The following L3MBTL1 variants were observed in gnomAD, a reference collection of about 807,000 sequenced individuals.
L3MBTL1 encodes L3MBTL histone methyl-lysine binding protein 1.
Under a neutral mutation model 105.3 loss-of-function variants are expected in L3MBTL1, and 75 were observed. The observed-to-expected ratio is 0.71, with a 90% CI of 0.59 to 0.86. L3MBTL1 has a LOEUF of 0.86. Ranked by LOEUF, L3MBTL1 falls within the 40% of genes least tolerant of loss-of-function variation. L3MBTL1 has a pLI of 0.00. For missense variants in L3MBTL1, 1,069 were observed against 1,126.4 expected (o/e 0.95, Z 0.73); for synonymous variants, 452 against 436.2 (o/e 1.04, Z -0.45).
chr20:43,513,432 A>G (rs1238696532), intron 1 of L3MBTL1, 44 bp from the exon 2 acceptor site: 3 of 1,506,376 alleles, frequency 2.0e-6, no homozygotes, highest in Non-Finnish European at 2.7e-6. Flanking sequence ...TGCTGTAACA[A>G]AGGTCCCCAC....
Position 43,541,072 on chromosome 20 carries a change from T to C in L3MBTL1, c.2533T>C (p.Ser845Pro). The change falls in exon 22 of 22, where the codon TCT becomes CCT. Residue 845 changes from serine (S) to proline (P), a missense_variant. Coordinates refer to ENST00000418998, the MANE Select transcript of L3MBTL1 (RefSeq NM_001377303.1). ...LETGVHSLLCSLPTHLLAKLS... is the reference protein window; with the variant it reads ...LETGVHSLLCPLPTHLLAKLS... Reference sequence around the variant, plus strand: ...GACAGGAGTCCATTCACTCCTCTGCTCTCTACCCACTCATTTGCTTGCCAA... The same window carrying C: ...GACAGGAGTCCATTCACTCCTCTGCCCTCTACCCACTCATTTGCTTGCCAA... 2 of 1,614,184 alleles carry C rather than the reference T, an allele frequency of 1.2e-6. No individual in the cohort carries two copies. Among genetic ancestry groups the C allele is most frequent in the South Asian group, 2.2e-5 (2 of 91,084 alleles).
chr20:43,522,457 GTTTTTTTTTTT>G (rs1176856356), intron 7 of L3MBTL1, among the ~76,000 whole-genome samples: 26 of 95,894 alleles, frequency 2.7e-4, no homozygotes, highest in African/African-American at 1.1e-3. Flanking sequence ...TCCCTGCTAA[GTTTTTTTTTTT>G]TTTTTTTTTT....
chr20:43,513,845 G>A lies in L3MBTL1; in HGVS notation c.144G>A (p.Ser48=), dbSNP rs924703832. ...TTGTATATCTGTTTACAGCCAGTTC[G>A]GCCACCCTCGGCCTGCCCAGCAGTG... is the stretch of plus-strand genomic sequence containing the variant. ...PATAFIIPAS[S]ATLGLPSSAL... Residue 48 remains serine, a synonymous_variant, in exon 3 of 22, where the codon TCG becomes TCA. Coordinates refer to ENST00000418998, the MANE Select transcript of L3MBTL1 (RefSeq NM_001377303.1). 1.9e-6 allele frequency: 3 copies of A among 1,550,486 alleles called. No homozygotes were observed. The African/African-American group carries it at 4.1e-5, about 21-fold the overall frequency.
intron 7 of L3MBTL1, among the ~76,000 whole-genome samples, chr20:43,526,431 C>T (rs560642332): frequency 6.6e-6 from 1 of 152,108 alleles, no homozygotes; most frequent in Non-Finnish European, 1.5e-5. Flanking sequence ...TGGAGGAAGA[C>T]TGAGTGGGAG....
intron 18 of L3MBTL1, among the ~76,000 whole-genome samples, chr20:43,547,330 T>G (rs1413106317): frequency 6.6e-6 from 1 of 152,082 alleles, no homozygotes; most frequent in Non-Finnish European, 1.5e-5. Flanking sequence ...GGTCTCGATC[T>G]CCTGACCTCA....
intron 7 of L3MBTL1, among the ~76,000 whole-genome samples, chr20:43,522,456 A>ATTTTTTTTTTT (rs778355165): frequency 1.4e-3 from 122 of 89,934 alleles, no homozygotes; most frequent in East Asian, 3.8e-3. Flanking sequence ...TTCCCTGCTA[A>ATTTTTTTTTTT]GTTTTTTTTT....
chr20:43,512,864 C>A (rs150524519), intron 1 of L3MBTL1, among the ~76,000 whole-genome samples: 1 of 152,242 alleles, frequency 6.6e-6, no homozygotes, highest in African/African-American at 2.4e-5. Context: ...ACTGCGTCTT[C>A]GTACACTATG....
At chr20:43,531,191 A>G (rs1396402718) in intron 11 of L3MBTL1, 4 of 330,996 alleles carry the variant, frequency 1.2e-5, no homozygotes, top group African/African-American at 2.1e-5. Flanking sequence ...CATTGCTCAT[A>G]TATTCTTGCT....
chr20:43,548,287 C>T, exon 19 of L3MBTL1: 1 of 1,294,906 alleles, frequency 7.7e-7, no homozygotes, highest in Non-Finnish European at 1.0e-6. Flanking sequence ...TGCTTGGCCT[C>T]CCTCTCCAGC....
Position 43,530,909 on chromosome 20 carries a change from AGT to A in L3MBTL1, c.1284+22_1284+23del, listed in dbSNP as rs767799743. On this transcript the variant is annotated intron_variant, in intron 11 of 21. Transcript: ENST00000418998. ...AGCCACGTGAGTGCCCCTGAGTGAGAGTGGATGTCACTCCCATGTGCCAGAGT... is the reference window on the plus strand; with the variant it reads ...AGCCACGTGAGTGCCCCTGAGTGAGAGGATGTCACTCCCATGTGCCAGAGT... 1 of 1,600,348 alleles carries A rather than the reference AGT, an allele frequency of 6.2e-7. No homozygotes were observed. The highest frequency in any genetic ancestry group is 8.5e-7 in the Non-Finnish European group (1 of 1,170,940).
intron 7 of L3MBTL1, among the ~76,000 whole-genome samples, chr20:43,516,763 TG>T (rs2018415622): frequency 6.6e-6 from 1 of 151,916 alleles, no homozygotes; most frequent in South Asian, 2.1e-4. Flanking sequence ...GGACAGTATC[TG>T]TTTTTTTTTT....
At chr20:43,520,949 A>G (rs1200278006) in intron 7 of L3MBTL1, among the ~76,000 whole-genome samples, 3 of 152,224 alleles carry the variant, frequency 2.0e-5, no homozygotes, top group Non-Finnish European at 4.4e-5. Flanking sequence ...TACATTTTCA[A>G]AAAGGGTCCA....
In L3MBTL1 at chr20:43,513,627, TTCA is replaced by T; in HGVS notation, c.129_131del (p.Ile44del). ...TGGTCCTCACCTGCCCGCAACTGCC[TTCA>T]TCATTCCAGGTGAGTCAAGCTAGGG... On this transcript the variant is annotated inframe_deletion, in exon 2 of 22. Coordinates refer to ENST00000418998, the MANE Select transcript of L3MBTL1 (RefSeq NM_001377303.1). The T allele has an allele frequency of 6.4e-7, 1 of 1,550,564 alleles. No homozygotes were observed. Among genetic ancestry groups the T allele is most frequent in the Non-Finnish European group, 8.7e-7 (1 of 1,146,994 alleles).
At chr20:43,531,106 T>A in intron 11 of L3MBTL1, 1 of 563,740 alleles carries the variant, frequency 1.8e-6, no homozygotes, top group Non-Finnish European at 3.1e-6. Context: ...CTCCCTCCTT[T>A]GCTACTGCAG....
intron 10 of L3MBTL1, 173 bp from the exon 11 acceptor site, chr20:43,530,625 T>C: frequency 1.3e-6 from 1 of 780,300 alleles, no homozygotes; most frequent in Non-Finnish European, 2.1e-6. Flanking sequence ...ACTTGCCCTT[T>C]GAGTGTCTAC....
chr20:43,548,040 C>T, intron 18 of L3MBTL1: 1 of 1,185,682 alleles, frequency 8.4e-7, no homozygotes, highest in South Asian at 1.4e-5. Context: ...ACACCCCTCC[C>T]TTTCCTTCAC....
intron 18 of L3MBTL1, among the ~76,000 whole-genome samples, chr20:43,547,102 CTTTT>C (rs11478523): frequency 3.3e-5 from 4 of 122,640 alleles, no homozygotes; most frequent in Middle Eastern, 4.3e-3. Flanking sequence ...TTTTTAATGA[CTTTT>C]TTTTTTTTTT....
In L3MBTL1 at chr20:43,528,638, G is replaced by A. The variant is rs751391301; in HGVS notation, c.863-19G>A. The A allele has an allele frequency of 2.5e-6, 4 of 1,605,242 alleles. No individual in the cohort carries two copies. Among genetic ancestry groups the A allele is most frequent in the South Asian group, 2.2e-5 (2 of 90,866 alleles). ...TCAGGAACAGCCCAGGAGTTAGCCT[G>A]TCTGTCCCCTTTCCACAGCAACAGG... On this transcript the variant is annotated intron_variant, in intron 7 of 21. Transcript: ENST00000418998.
intron 7 of L3MBTL1, among the ~76,000 whole-genome samples, chr20:43,522,081 G>T (rs944501658): frequency 1.3e-5 from 2 of 152,220 alleles, no homozygotes; most frequent in African/African-American, 4.8e-5. Flanking sequence ...AAGAGGCCAG[G>T]TGCAGTGGCT....
Sources: allele counts gnomAD v4.1 joint callset (sites outside exome capture counted in the v4.1 genomes callset), GRCh38; gene constraint gnomAD v4.1.1; transcripts MANE v1.5; gene names NCBI Gene and HGNC (gene_info 2026-07-23, HGNC 2026-07-21).